The following FER variants were observed in gnomAD, a reference collection of about 807,000 sequenced individuals.
The protein encoded by FER is tyrosine-protein kinase Fer.
FER carries 63 observed loss-of-function variants against 111.0 expected under a neutral mutation model. That is an observed-to-expected ratio of 0.57 (90% CI 0.46 to 0.70). The LOEUF (loss-of-function observed/expected upper bound fraction) is 0.70, where lower values mean the gene tolerates loss of function less well. FER is among the 30% of genes least tolerant of loss of function. The probability of loss-of-function intolerance (pLI) is 0.00; values close to 1 mark genes in which losing one functional copy is unlikely to be tolerated. For synonymous variants in FER, 327 were observed against 313.9 expected (o/e 1.04, Z -0.44); for missense variants, 914 against 954.0 (o/e 0.96, Z 0.55).
chr5:109,032,383 A>G (rs1769759635), intron 13 of FER, among the ~76,000 whole-genome samples: 1 of 152,054 alleles, frequency 6.6e-6, no homozygotes, highest in Non-Finnish European at 1.5e-5. Flanking sequence ...TCATTTTTTC[A>G]CTCAACAGGT....
chr5:109,077,481 T>C (rs1454654398), intron 16 of FER, among the ~76,000 whole-genome samples: 1 of 152,170 alleles, frequency 6.6e-6, no homozygotes, highest in Non-Finnish European at 1.5e-5. Context: ...TTAATGAAAA[T>C]TACTACAAAA....
chr5:108,954,461 G>C (rs1034331463), intron 11 of FER, among the ~76,000 whole-genome samples: 1 of 152,008 alleles, frequency 6.6e-6, no homozygotes, highest in African/African-American at 2.4e-5. Context: ...TTTAGGACAT[G>C]GTGAATAAGA....
rs544497069 is a variant in FER at position 108,871,043 on chromosome 5, A to C, written c.666-322A>C. ...CAGAGTTCCATGTTATTCAACCCAA[A>C]ATTTATACGAGAATATTTAGACATA... is the stretch of plus-strand genomic sequence containing the variant. On this transcript the variant is annotated intron_variant, in intron 6 of 19. Coordinates refer to ENST00000281092, the MANE Select transcript of FER (RefSeq NM_005246.4). 3.3e-5 allele frequency among the ~76,000 whole-genome samples: 5 copies of C among 152,260 alleles called. No individual in the cohort carries two copies. In the South Asian group the frequency reaches 8.3e-4, roughly 25 times the overall value.
intron 5 of FER, among the ~76,000 whole-genome samples, chr5:108,845,017 T>TAC (rs1761797505): frequency 7.7e-5 from 4 of 52,218 alleles, no homozygotes; most frequent in Non-Finnish European, 1.1e-4. Context: ...TATATATATA[T>TAC]ATATATATAT....
chr5:109,001,284 C>T (rs1764729383), intron 13 of FER, among the ~76,000 whole-genome samples: 1 of 152,166 alleles, frequency 6.6e-6, no homozygotes, highest in African/African-American at 2.4e-5. Context: ...GCTTATCCAC[C>T]ATGATCAAGT....
chr5:109,105,250 GT>G (rs1748762661), intron 17 of FER, among the ~76,000 whole-genome samples: 1 of 147,934 alleles, frequency 6.8e-6, no homozygotes, highest in Admixed American at 6.7e-5. Context: ...GTGTGTGTGT[GT>G]GTGTGTGTGT....
intron 13 of FER, among the ~76,000 whole-genome samples, chr5:109,029,450 T>TTA (rs1309700863): frequency 9.4e-5 from 11 of 116,854 alleles, no homozygotes; most frequent in African/African-American, 3.3e-4. Flanking sequence ...TTTTTTTTTT[T>TTA]AATTAGAGAA....
chr5:109,179,988 C>A (rs1246430422), intron 17 of FER, among the ~76,000 whole-genome samples: 1 of 152,072 alleles, frequency 6.6e-6, no homozygotes, highest in Non-Finnish European at 1.5e-5. Flanking sequence ...TGAAGAGGAG[C>A]CAGCTATGCA....
At chr5:108,868,069 C>T in intron 6 of FER, 119 bp downstream of exon 6, 1 of 886,406 alleles carries the variant, frequency 1.1e-6, no homozygotes, top group South Asian at 2.1e-5. Flanking sequence ...GGGGGTATTT[C>T]AGACCTTGAT....
intron 18 of FER, among the ~76,000 whole-genome samples, chr5:109,185,256 A>G (rs557081077): frequency 1.3e-4 from 20 of 152,264 alleles, no homozygotes; most frequent in Admixed American, 1.2e-3. Context: ...GCACCTAGGT[A>G]TTTCAACAAA....
At chr5:108,968,285 G>A (rs759166342) in intron 13 of FER, among the ~76,000 whole-genome samples, 38 of 152,280 alleles carry the variant, frequency 2.5e-4, no homozygotes, top group Admixed American at 1.2e-3. Flanking sequence ...TATTTAGGAG[G>A]CTGAGGCAGG....
At chr5:108,893,584 C>G (rs1286639466) in intron 9 of FER, among the ~76,000 whole-genome samples, 2 of 152,072 alleles carry the variant, frequency 1.3e-5, no homozygotes, top group African/African-American at 2.4e-5. Flanking sequence ...GAGGATACCA[C>G]ATGGAAACAA....
At chr5:108,800,236 T>G (rs958067843) in intron 3 of FER, among the ~76,000 whole-genome samples, 1 of 152,250 alleles carries the variant, frequency 6.6e-6, no homozygotes. Flanking sequence ...TGTTGACATA[T>G]CTTATTTGCC....
rs748621111 is a variant in FER, at chr5:108,959,193, A to T, written c.1534-32A>T. The stretch of plus-strand genomic sequence containing the variant: ...GTAGATTTTCTAAAGCAATGTCTTC[A>T]CATTTATTCTACCTTATTGTTCTCT... On this transcript the variant is annotated intron_variant, in intron 12 of 19. Transcript: ENST00000281092. 1.9e-6 allele frequency: 3 copies of T among 1,589,126 alleles called. No individual in the cohort carries two copies. The Admixed American group carries it at 5.5e-5, about 29-fold the overall frequency.
At chr5:109,047,016 G>C (rs935552058) in intron 15 of FER, 88 bp from the exon 16 acceptor site, 2 of 638,018 alleles carry the variant, frequency 3.1e-6, no homozygotes, top group Non-Finnish European at 2.6e-6. Flanking sequence ...TGATTCAAGA[G>C]TATTCTAGTT....
At chr5:109,132,515 G>A (rs1752461514) in intron 17 of FER, among the ~76,000 whole-genome samples, 1 of 152,030 alleles carries the variant, frequency 6.6e-6, no homozygotes, top group South Asian at 2.1e-4. Context: ...GAGTGTGCTA[G>A]AAACAGGTGG....
At chr5:109,015,781 T>C (rs1217689753) in intron 13 of FER, among the ~76,000 whole-genome samples, 3 of 152,038 alleles carry the variant, frequency 2.0e-5, no homozygotes, top group Non-Finnish European at 2.9e-5. Context: ...TTTTTCAACT[T>C]AAATTTTAGT....
intron 16 of FER, among the ~76,000 whole-genome samples, chr5:109,088,876 T>C (rs1173195114): frequency 6.6e-6 from 1 of 152,062 alleles, no homozygotes; most frequent in Non-Finnish European, 1.5e-5. Flanking sequence ...AAGAACAGCC[T>C]CTTATAGAGA....
intron 10 of FER, among the ~76,000 whole-genome samples, chr5:108,928,788 C>G (rs950519950): frequency 6.6e-6 from 1 of 151,480 alleles, no homozygotes; most frequent in Non-Finnish European, 1.5e-5. Context: ...TGTTTTTGCT[C>G]TTTTCTTAAA....
Sources: allele counts gnomAD v4.1 joint callset (sites outside exome capture counted in the v4.1 genomes callset), GRCh38; gene constraint gnomAD v4.1.1; transcripts MANE v1.5; gene names NCBI Gene and HGNC (gene_info 2026-07-23, HGNC 2026-07-21).